RARB: variants seen among roughly 807,000 people sequenced by gnomAD.
RARB encodes the protein HBV-activated protein.
RARB carries 17 observed loss-of-function variants against 51.9 expected under a neutral mutation model. That is an observed-to-expected ratio of 0.33 (90% CI 0.22 to 0.49). The LOEUF is 0.49. Ranked by LOEUF, RARB falls within the 20% of genes least tolerant of loss-of-function variation. The pLI is 0.99. For missense variants in RARB, 369 were observed against 550.8 expected, an observed-to-expected ratio of 0.67 and a Z score of 3.30; for synonymous variants, 215 against 195.4, an observed-to-expected ratio of 1.10 and a Z score of -0.84.
intron 3 of RARB, among the ~76,000 whole-genome samples, chr3:25,506,608 CCT>C (rs1011700569): frequency 6.6e-6 from 1 of 152,188 alleles, no homozygotes; most frequent in African/African-American, 2.4e-5. Flanking sequence ...AGAGCAAGAC[CCT>C]GTCTCACAAA....
intron 5 of RARB, among the ~76,000 whole-genome samples, chr3:25,311,596 T>C (rs532571379): frequency 6.6e-6 from 1 of 152,350 alleles, no homozygotes; most frequent in Non-Finnish European, 1.5e-5. Context: ...CAGGTCAGTA[T>C]TCACAGCGGG....
chr3:25,102,496 T>C (rs1699422743), intron 3 of RARB, among the ~76,000 whole-genome samples: 1 of 151,798 alleles, frequency 6.6e-6, no homozygotes, highest in South Asian at 2.1e-4. Flanking sequence ...GCCAAGATCG[T>C]GCCATTGCAC....
chr3:24,919,546 C>CCGT (rs1417527317), intron 2 of RARB, among the ~76,000 whole-genome samples: 5 of 152,010 alleles, frequency 3.3e-5, no homozygotes, highest in African/African-American at 1.2e-4. Context: ...CTTTTTCTGT[C>CCGT]CATGAATGTT....
At chr3:25,311,207 A>G (rs1056985530) in intron 5 of RARB, among the ~76,000 whole-genome samples, 1 of 152,226 alleles carries the variant, frequency 6.6e-6, no homozygotes, top group South Asian at 2.1e-4. Flanking sequence ...AGACAGGACA[A>G]CCACCTCAAG....
At chr3:24,936,021 T>C (rs1695541288) in intron 2 of RARB, among the ~76,000 whole-genome samples, 1 of 152,170 alleles carries the variant, frequency 6.6e-6, no homozygotes, top group South Asian at 2.1e-4. Context: ...TTCTGGAACT[T>C]TACTGTTTGA....
At chr3:25,552,909 A>T (rs1042069723) in intron 3 of RARB, among the ~76,000 whole-genome samples, 5 of 152,170 alleles carry the variant, frequency 3.3e-5, no homozygotes, top group Non-Finnish European at 7.3e-5. Flanking sequence ...TCTAGATTTT[A>T]TGTAGCAGAT....
chr3:24,831,016 C>G (rs955825843), intron 1 of RARB, among the ~76,000 whole-genome samples: 1 of 152,156 alleles, frequency 6.6e-6, no homozygotes, highest in Non-Finnish European at 1.5e-5. Flanking sequence ...CTAAAACCCT[C>G]TCTGAAGTTT....
intron 1 of RARB, among the ~76,000 whole-genome samples, chr3:25,452,756 A>G (rs886435284): frequency 4.6e-5 from 7 of 152,188 alleles, no homozygotes; most frequent in African/African-American, 1.7e-4. Flanking sequence ...TAAATTTCCT[A>G]ATTCTAAGGT....
intron 5 of RARB, among the ~76,000 whole-genome samples, chr3:25,335,226 A>G (rs571091444): frequency 6.6e-6 from 1 of 152,194 alleles, no homozygotes; most frequent in South Asian, 2.1e-4. Flanking sequence ...TGTGGCACAT[A>G]CCAAATGTTC....
intron 3 of RARB, among the ~76,000 whole-genome samples, chr3:25,113,399 C>T (rs1004229509): frequency 6.6e-5 from 10 of 152,118 alleles, no homozygotes; most frequent in East Asian, 1.9e-4. Flanking sequence ...TTTTGACAAT[C>T]CTAAAACCAA....
intron 3 of RARB, among the ~76,000 whole-genome samples, chr3:25,106,391 T>A (rs1334019631): frequency 6.6e-5 from 10 of 151,284 alleles, no homozygotes; most frequent in African/African-American, 2.2e-4. Flanking sequence ...TCCTCCTGCC[T>A]CAGCCTCCCG....
chr3:25,025,057 A>C (rs2125286980), intron 2 of RARB: 1 of 152,210 alleles, frequency 6.6e-6, no homozygotes, highest in Non-Finnish European at 1.5e-5. Context: ...CTCAGAAGTT[A>C]AGCAGGATTG....
Position 25,428,570 on chromosome 3 carries a change from G to T in RARB, c.-162G>T, listed in dbSNP as rs570998371. 36 of 1,334,112 alleles carry T rather than the reference G, an allele frequency of 2.7e-5. No individual in the cohort carries two copies. Among genetic ancestry groups the T allele is most frequent in the Non-Finnish European group, 3.5e-5 (36 of 1,038,322 alleles). The allele number at this position is 1,334,112 out of a possible 1,614,324, so 82.6% of individuals were successfully genotyped here. ...TGGATCAATTACAGGCTTTTAGCTG[G>T]CTTGTCTGTCATAATTCATGATTCG... On this transcript the variant is annotated 5_prime_UTR_variant, in exon 1 of 8. Transcript: ENST00000330688.
intron 2 of RARB, among the ~76,000 whole-genome samples, chr3:25,018,122 C>G (rs1475769128): frequency 6.6e-6 from 1 of 152,154 alleles, no homozygotes; most frequent in Non-Finnish European, 1.5e-5. Context: ...GACACTTGCA[C>G]AGAGGTAGAT....
intron 5 of RARB, among the ~76,000 whole-genome samples, chr3:25,236,559 G>C (rs551022438): frequency 6.6e-6 from 1 of 152,096 alleles, no homozygotes; most frequent in African/African-American, 2.4e-5. Flanking sequence ...AGTGAAGGAT[G>C]GAAGGAAAGA....
At chr3:24,979,187 T>C (rs1286999560) in intron 2 of RARB, among the ~76,000 whole-genome samples, 1 of 152,222 alleles carries the variant, frequency 6.6e-6, no homozygotes, top group Non-Finnish European at 1.5e-5. Flanking sequence ...TAGTCAATTT[T>C]AGAATAAGTG....
At chr3:25,357,898 T>A (rs547181822) in intron 5 of RARB, among the ~76,000 whole-genome samples, 2 of 152,194 alleles carry the variant, frequency 1.3e-5, no homozygotes, top group East Asian at 3.9e-4. Context: ...CCATGCTGTT[T>A]CAGTTACTGT....
At chr3:25,068,486 T>A (rs1367280128) in intron 3 of RARB, among the ~76,000 whole-genome samples, 1 of 151,076 alleles carries the variant, frequency 6.6e-6, no homozygotes, top group African/African-American at 2.5e-5. Context: ...GAGGAATAGA[T>A]AAATTAAATA....
At chr3:25,115,062 C>T (rs1333724408) in intron 3 of RARB, among the ~76,000 whole-genome samples, 6 of 152,000 alleles carry the variant, frequency 3.9e-5, no homozygotes, top group Non-Finnish European at 8.8e-5. Context: ...TTTGTAATTC[C>T]TTTTCTGTAC....
Sources: gnomAD v4.1 joint callset for allele counts (sites outside exome capture counted in the v4.1 genomes callset) on GRCh38, gnomAD v4.1.1 for gene constraint, MANE v1.5 for transcripts, NCBI Gene and HGNC (gene_info 2026-07-23, HGNC 2026-07-21) for gene names.